Variants in CCDC77 observed in about 807,000 individuals in gnomAD.
CCDC77 encodes the protein coiled-coil domain containing 77.
CCDC77 carries 56 observed loss-of-function variants against 66.8 expected under a neutral mutation model. That is an observed-to-expected ratio of 0.84 (90% confidence interval 0.68 to 1.05). CCDC77 has a LOEUF of 1.05. CCDC77 is among the 50% of genes least tolerant of loss of function. The probability of loss-of-function intolerance (pLI) is 0.00; values close to 1 mark genes in which losing one functional copy is unlikely to be tolerated. For synonymous variants in CCDC77, 196 were observed against 195.2 expected, an observed-to-expected ratio of 1.00 and a Z score of -0.03; for missense variants, 570 against 576.8, an observed-to-expected ratio of 0.99 and a Z score of 0.12.
upstream of CCDC77, chr12:401,432 GC>G (rs1359316670): frequency 6.6e-6 from 1 of 152,176 alleles, no homozygotes; most frequent in Non-Finnish European, 1.5e-5. Flanking sequence ...CAGCTGCGTC[GC>G]CCCGCGCAGA....
At chr12:413,923 C>T (rs1945169977) in intron 4 of CCDC77, among the ~76,000 whole-genome samples, 1 of 150,364 alleles carries the variant, frequency 6.7e-6, no homozygotes, top group Non-Finnish European at 1.5e-5. Flanking sequence ...CCACCGCGCC[C>T]AGCTGGGAAA....
chr12:406,779 T>A (rs1181359836), intron 2 of CCDC77, among the ~76,000 whole-genome samples: 2 of 152,154 alleles, frequency 1.3e-5, no homozygotes, highest in East Asian at 3.8e-4. Context: ...AAACCCCGTC[T>A]CTACTAAAAA....
intron 1 of CCDC77, among the ~76,000 whole-genome samples, chr12:392,702 G>A (rs1944772067): frequency 6.6e-6 from 1 of 151,756 alleles, no homozygotes; most frequent in African/African-American, 2.4e-5. Flanking sequence ...CCAAGATGGT[G>A]CCACTGTACT....
intron 3 of CCDC77, 42 bp downstream of exon 3, chr12:409,463 CTT>C: frequency 6.5e-7 from 1 of 1,532,184 alleles, no homozygotes; most frequent in South Asian, 1.1e-5. Flanking sequence ...GAAATCGAGA[CTT>C]GTATAGCCTT....
intron 10 of CCDC77, among the ~76,000 whole-genome samples, chr12:438,849 G>A (rs898448397): frequency 2.7e-5 from 4 of 150,928 alleles, no homozygotes; most frequent in Non-Finnish European, 4.4e-5. Context: ...TGGGCAAATC[G>A]TGAGGTCAGG....
chr12:394,592 G>A (rs901622059), intron 1 of CCDC77, among the ~76,000 whole-genome samples: 3 of 152,154 alleles, frequency 2.0e-5, no homozygotes, highest in South Asian at 4.1e-4. Context: ...TCTCTCATAC[G>A]AATTTCCACT....
intron 7 of CCDC77, among the ~76,000 whole-genome samples, chr12:431,066 CAAAAAAAA>C (rs372949107): frequency 5.7e-5 from 6 of 105,594 alleles, no homozygotes; most frequent in Admixed American, 1.2e-4. Flanking sequence ...AGACTATCTC[CAAAAAAAA>C]AAAAAAAAAA....
intron 4 of CCDC77, among the ~76,000 whole-genome samples, chr12:414,757 C>T (rs912944568): frequency 1.3e-5 from 2 of 152,054 alleles, no homozygotes; most frequent in Admixed American, 1.3e-4. Flanking sequence ...AATCATTTGG[C>T]AAGTCCTGTT....
upstream of CCDC77, among the ~76,000 whole-genome samples, chr12:397,795 C>T (rs1003968070): frequency 5.3e-5 from 8 of 151,922 alleles, no homozygotes; most frequent in African/African-American, 1.5e-4. Context: ...TACAGGCGCC[C>T]GCCACCACGC....
upstream of CCDC77, among the ~76,000 whole-genome samples, chr12:400,291 AT>A (rs1944878947): frequency 6.6e-6 from 1 of 152,204 alleles, no homozygotes; most frequent in African/African-American, 2.4e-5. Context: ...AACTTTCTCT[AT>A]ATCAGCAATG....
intron 5 of CCDC77, among the ~76,000 whole-genome samples, chr12:428,087 C>T (rs553371088): frequency 3.2e-4 from 48 of 152,216 alleles, no homozygotes; most frequent in Non-Finnish European, 3.8e-4. Flanking sequence ...GAGGCAGTTC[C>T]CTTGTCTGGG....
intron 9 of CCDC77, among the ~76,000 whole-genome samples, chr12:435,394 T>C (rs2137614376): frequency 6.6e-6 from 1 of 152,362 alleles, no homozygotes; most frequent in Middle Eastern, 3.4e-3. Flanking sequence ...ATCACATGTA[T>C]TCCGTTTCCC....
chr12:391,986 C>T (rs75990529), intron 1 of CCDC77, among the ~76,000 whole-genome samples: 2,011 of 152,318 alleles, frequency 0.013, 17 homozygotes, highest in Non-Finnish European at 0.021. Context: ...CTCATGCTTA[C>T]CCCTTTGAAA....
intron 8 of CCDC77, among the ~76,000 whole-genome samples, chr12:432,959 G>A (rs1380797885): frequency 2.6e-5 from 4 of 152,184 alleles, no homozygotes; most frequent in Non-Finnish European, 5.9e-5. Flanking sequence ...TTGAGCCCAG[G>A]GGGTTGAGGC....
chr12:418,600 T>G lies in CCDC77; in HGVS notation c.377T>G (p.Leu126Ter). 1.2e-6 allele frequency: 2 copies of G among 1,614,210 alleles called. No individual in the cohort carries two copies. Among genetic ancestry groups the G allele is most frequent in the South Asian group, 2.2e-5 (2 of 91,082 alleles). Residue 126 changes from leucine to a stop codon, truncating the protein, a stop_gained, in exon 5 of 13, where the codon TTA (leucine) becomes TGA (stop). Coordinates refer to ENST00000239830, the MANE Select transcript of CCDC77 (RefSeq NM_032358.4). LOFTEE classifies it high-confidence loss of function. The stretch of plus-strand genomic sequence containing the variant: ...CTCTTCCAGGAACGGGAACATGTTT[T>G]ACGCCTCTACTCAGAAAATGACCGA... ...VCLFQEREHV[L>*]RLYSENDRLR...
chr12:415,482 A>G (rs1366832995), intron 4 of CCDC77, among the ~76,000 whole-genome samples: 2 of 147,196 alleles, frequency 1.4e-5, no homozygotes, highest in Admixed American at 6.9e-5. Flanking sequence ...TAATATGTTG[A>G]TATTATTAAC....
At chr12:401,899 T>A (rs1166711623) in intron 1 of CCDC77, among the ~76,000 whole-genome samples, 1 of 152,082 alleles carries the variant, frequency 6.6e-6, no homozygotes, top group African/African-American at 2.4e-5. Context: ...CCTGGAGCAG[T>A]GAGGCGGTCG....
rs57824381 is a variant in CCDC77 at position 391,905 on chromosome 12, C to A, written c.-113+2419C>A. ...ACATCTCTGGTGCGAACAGAAGAAACTTCTGTAGTTACAACCACCTCACAT... is the reference window on the plus strand; with the variant it reads ...ACATCTCTGGTGCGAACAGAAGAAAATTCTGTAGTTACAACCACCTCACAT... On this transcript the variant is annotated intron_variant, in intron 1 of 11. Coordinates refer to the CCDC77 transcript ENST00000422000. Among the ~76,000 whole-genome samples, 1,404 of 152,292 alleles carry A rather than the reference C, an allele frequency of 9.2e-3. 25 individuals are homozygous for A. The highest frequency in any genetic ancestry group is 0.031 in the African/African-American group (1,292 of 41,570).
Position 433,275 on chromosome 12 carries a change from A to G in CCDC77, c.774A>G (p.Gln258=). ...EDRRIHLEEI[Q]VQHQRNQNKI... ...GACGGATTCACCTTGAGGAAATACA[A>G]GTTCAGCACCAGAGAAATCAGAACA... Residue 258 remains glutamine, a synonymous_variant, in exon 9 of 13, where the codon CAA becomes CAG. Transcript: ENST00000239830. 1 of 1,614,078 alleles carries G rather than the reference A, an allele frequency of 6.2e-7. No homozygotes were observed. The highest frequency in any genetic ancestry group is 8.5e-7 in the Non-Finnish European group (1 of 1,180,020).
Sources: gnomAD v4.1 joint callset for allele counts (sites outside exome capture counted in the v4.1 genomes callset) on GRCh38, gnomAD v4.1.1 for gene constraint, MANE v1.5 for transcripts, NCBI Gene and HGNC (gene_info 2026-07-23, HGNC 2026-07-21) for gene names.